The following ABLIM2 variants were observed in gnomAD, a reference collection of about 807,000 sequenced individuals.
ABLIM2 encodes the protein actin binding LIM protein family member 2.
Under a neutral mutation model 97.7 loss-of-function variants are expected in ABLIM2, and 53 were observed. That is an observed-to-expected ratio of 0.54 (90% CI 0.44 to 0.68). The LOEUF is 0.68. Ranked by LOEUF, ABLIM2 falls within the 30% of genes least tolerant of loss-of-function variation. The pLI, the probability that ABLIM2 is intolerant of heterozygous loss-of-function variation, is 0.00. For missense variants in ABLIM2, 835 were observed against 867.2 expected (o/e 0.96, Z 0.47); for synonymous variants, 361 against 345.8 (o/e 1.04, Z -0.49).
chr4:7,978,822 T>C (rs1211814501), intron 20 of ABLIM2, among the ~76,000 whole-genome samples: 3 of 152,240 alleles, frequency 2.0e-5, no homozygotes, highest in Admixed American at 1.3e-4. Flanking sequence ...CGCAGGCTGC[T>C]AGCAGTGTTG....
rs181188452 is a variant in ABLIM2 at position 8,133,292 on chromosome 4, G to A, written c.10+25388C>T. Among the ~76,000 whole-genome samples, 48 of 152,324 alleles carry A rather than the reference G, an allele frequency of 3.2e-4. No individual in the cohort carries two copies. In the East Asian group the frequency reaches 6.2e-3, roughly 20 times the overall value. On this transcript the variant is annotated intron_variant, in intron 1 of 20. Coordinates refer to ENST00000447017, the MANE Select transcript of ABLIM2 (RefSeq NM_001130083.2). ...CAGAGGGGTCAGGGCTTCACTTAGC[G>A]GGAATGCAATTCAACCCACAGCGGC...
intron 20 of ABLIM2, among the ~76,000 whole-genome samples, chr4:7,967,509 AG>A (rs2149298774): frequency 6.6e-6 from 1 of 152,316 alleles, no homozygotes; most frequent in Non-Finnish European, 1.5e-5. Flanking sequence ...ATCCGAGAGC[AG>A]GAGGTGGAAG....
At chr4:8,141,291 A>C (rs993731089) in intron 1 of ABLIM2, among the ~76,000 whole-genome samples, 2 of 152,134 alleles carry the variant, frequency 1.3e-5, no homozygotes, top group South Asian at 2.1e-4. Flanking sequence ...AAAAGCTATA[A>C]TCTTATGGAT....
At chr4:8,045,067 G>A (rs1468482589) in intron 9 of ABLIM2, 97 bp downstream of exon 9, 20 of 1,106,752 alleles carry the variant, frequency 1.8e-5, no homozygotes, top group Admixed American at 7.1e-5. Flanking sequence ...GATAGTTCTC[G>A]GAAAACTCTC....
intron 1 of ABLIM2, among the ~76,000 whole-genome samples, chr4:8,143,165 G>T (rs114846473): frequency 2.7e-5 from 4 of 147,646 alleles, no homozygotes; most frequent in South Asian, 2.2e-4. Flanking sequence ...AGAGTGGGGG[G>T]GGGGGGCGTC....
intron 14 of ABLIM2, among the ~76,000 whole-genome samples, chr4:8,013,649 T>G (rs1000378193): frequency 6.6e-6 from 1 of 152,246 alleles, no homozygotes; most frequent in African/African-American, 2.4e-5. Flanking sequence ...CTTGTCTGTC[T>G]GACCCTGAAG....
intron 8 of ABLIM2, among the ~76,000 whole-genome samples, chr4:8,051,796 T>C (rs1384201177): frequency 6.6e-6 from 1 of 152,152 alleles, no homozygotes; most frequent in Non-Finnish European, 1.5e-5. Flanking sequence ...TATCCACATG[T>C]ATGTGGAACA....
rs78738275 is a variant in ABLIM2, at chr4:8,018,028, G to C, written c.1423+1590C>G. Among the ~76,000 whole-genome samples, 649 of 151,762 alleles carry C rather than the reference G, an allele frequency of 4.3e-3. 5 individuals carry two copies. The highest frequency in any genetic ancestry group is 0.015 in the African/African-American group (622 of 41,358). On this transcript the variant is annotated intron_variant, in intron 14 of 20. Coordinates refer to ENST00000447017, the MANE Select transcript of ABLIM2 (RefSeq NM_001130083.2). ...AAAAAGCACAAAGACGATCACTGGA[G>C]ACAGTAAAATCTAATCTCTCCACTG...
At chr4:7,995,729 C>T (rs945862779) in intron 16 of ABLIM2, among the ~76,000 whole-genome samples, 2 of 152,162 alleles carry the variant, frequency 1.3e-5, no homozygotes, top group African/African-American at 4.8e-5. Flanking sequence ...ACTCCCTCGA[C>T]GCATGAGCTT....
At chr4:7,989,679 G>A (rs1046522093) in intron 17 of ABLIM2, among the ~76,000 whole-genome samples, 8 of 152,082 alleles carry the variant, frequency 5.3e-5, no homozygotes, top group African/African-American at 1.9e-4. Context: ...TTTTAAGTGT[G>A]CATCTTATGA....
At chr4:8,114,582 TA>T (rs1841989617) in intron 1 of ABLIM2, among the ~76,000 whole-genome samples, 1 of 152,094 alleles carries the variant, frequency 6.6e-6, no homozygotes, top group Non-Finnish European at 1.5e-5. Context: ...CTAACCTACT[TA>T]AGGGCTGGCT....
rs1434562935 is a variant in ABLIM2 at position 8,069,245 on chromosome 4, G to T, written c.676-8191C>A. 1.3e-5 allele frequency among the ~76,000 whole-genome samples: 2 copies of T among 152,262 alleles called. No individual in the cohort carries two copies. Among genetic ancestry groups the T allele is most frequent in the Admixed American group, 1.3e-4 (2 of 15,290 alleles). ...CAGCAGTGGCACTGGCAGACGAGCC[G>T]TCCAGTGGGGACGTTCTGAACAAGG... On this transcript the variant is annotated intron_variant, in intron 6 of 20. Coordinates refer to ENST00000447017, the MANE Select transcript of ABLIM2 (RefSeq NM_001130083.2). The surrounding 1 kb of genome is among the most constrained non-coding windows in gnomAD (Gnocchi z 4.2).
Position 8,068,042 on chromosome 4 carries a change from C to T in ABLIM2, c.676-6988G>A, listed in dbSNP as rs957759359. Reference sequence around the variant, plus strand: ...TTAGAAGTGTCCTCATTCCCTGTGTCACCTCCTGTTGTCATTCCCATTCTC... The same window carrying T: ...TTAGAAGTGTCCTCATTCCCTGTGTTACCTCCTGTTGTCATTCCCATTCTC... On this transcript the variant is annotated intron_variant, in intron 6 of 20. Coordinates refer to ENST00000447017, the MANE Select transcript of ABLIM2 (RefSeq NM_001130083.2). This position sits in a 1 kb window ranked among gnomAD's most constrained non-coding sequence, Gnocchi z 4.5. 1.3e-5 allele frequency among the ~76,000 whole-genome samples: 2 copies of T among 152,144 alleles called. No individual in the cohort carries two copies. Among genetic ancestry groups the T allele is most frequent in the Non-Finnish European group, 2.9e-5 (2 of 68,022 alleles).
At chr4:8,049,238 A>T (rs943761099) in intron 8 of ABLIM2, among the ~76,000 whole-genome samples, 2 of 152,244 alleles carry the variant, frequency 1.3e-5, no homozygotes, top group Non-Finnish European at 2.9e-5. Flanking sequence ...GAGCACACAC[A>T]GTAGGTGCTT....
chr4:7,990,043 A>G (rs1578065518), intron 17 of ABLIM2, among the ~76,000 whole-genome samples: 1 of 152,246 alleles, frequency 6.6e-6, no homozygotes, highest in East Asian at 1.9e-4. Flanking sequence ...CCCTTGTAAC[A>G]AATCCTTCTG....
At position 7,984,891 on chromosome 4, in the gene ABLIM2, A is replaced by G; in HGVS notation, c.1683T>C (p.Asn561=). 1 of 1,609,012 alleles carries G rather than the reference A, an allele frequency of 6.2e-7. No homozygotes were observed. The part of the protein sequence containing the change: ...GHGKNGLDQR[N]ANLAPCGADP... ...CTGCTCCACAGGGGGCCAGATTGGCATTCTGGAAGAGAAAGAGAGGTTGGG... is the reference window on the plus strand; with the variant it reads ...CTGCTCCACAGGGGGCCAGATTGGCGTTCTGGAAGAGAAAGAGAGGTTGGG... The change falls in exon 18 of 21, where the codon AAT becomes AAC. Residue 561 remains asparagine, a splice_region_variant and synonymous_variant. Coordinates refer to ENST00000447017, the MANE Select transcript of ABLIM2 (RefSeq NM_001130083.2).
At chr4:8,156,735 GA>G (rs1715492260) in intron 1 of ABLIM2, among the ~76,000 whole-genome samples, 1 of 152,236 alleles carries the variant, frequency 6.6e-6, no homozygotes, top group African/African-American at 2.4e-5. Context: ...GGCCACAGGG[GA>G]CCTGCCCTTG....
At chr4:8,036,071 A>G (rs1363160015) in intron 10 of ABLIM2, 78 bp downstream of exon 10, 2 of 1,533,488 alleles carry the variant, frequency 1.3e-6, no homozygotes, top group Non-Finnish European at 1.8e-6. Context: ...CATAGGACAC[A>G]TGCTAGGGAT....
Position 8,001,894 on chromosome 4 carries a change from A to C in ABLIM2, c.1618+6165T>G, listed in dbSNP as rs1272123276. Among the ~76,000 whole-genome samples the C allele has an allele frequency of 6.6e-6, 1 of 151,230 alleles. No homozygotes were observed. Among genetic ancestry groups the C allele is most frequent in the Non-Finnish European group, 1.5e-5 (1 of 67,764 alleles). On this transcript the variant is annotated intron_variant, in intron 16 of 20. Transcript: ENST00000447017. The surrounding 1 kb of genome is among the most constrained non-coding windows in gnomAD (Gnocchi z 4.2). The stretch of plus-strand genomic sequence containing the variant: ...TCCTGCCCCCCGATGGCACCTTCCC[A>C]CCTGCCCGCTTGTCAGCACACACAT...
Sources: gnomAD v4.1 joint callset for allele counts (sites outside exome capture counted in the v4.1 genomes callset) on GRCh38, gnomAD v4.1.1 for gene constraint, Gnocchi (gnomAD v3.1) non-coding constraint, MANE v1.5 for transcripts, NCBI Gene and HGNC (gene_info 2026-07-23, HGNC 2026-07-21) for gene names.